Variants in MIS18A observed in about 807,000 individuals in gnomAD.
The protein encoded by MIS18A is protein Mis18-alpha.
A neutral mutation model predicts 25.0 loss-of-function variants in MIS18A; 14 were observed. The observed-to-expected ratio is 0.56, with a 90% CI of 0.37 to 0.88. The LOEUF is 0.88. Ranked by LOEUF, MIS18A falls within the 40% of genes least tolerant of loss-of-function variation. The pLI is 0.00. For missense variants in MIS18A, 292 were observed against 290.8 expected (o/e 1.00, Z -0.03); for synonymous variants, 134 against 118.6 (o/e 1.13, Z -0.84).
intron 2 of MIS18A, among the ~76,000 whole-genome samples, chr21:32,271,288 G>A (rs959189482): frequency 6.6e-6 from 1 of 152,146 alleles, no homozygotes; most frequent in Admixed American, 6.5e-5. Context: ...ATCTAGTAGT[G>A]ATCACAGTAG....
At chr21:32,242,600 G>A in the MIS18A span, among the ~76,000 whole-genome samples, 1 of 152,236 alleles carries the variant, frequency 6.6e-6, no homozygotes, top group East Asian at 1.9e-4. Flanking sequence ...CCTTCTAAAT[G>A]TGACTTCTTG....
At chr21:32,166,225 A>T in the MIS18A span, among the ~76,000 whole-genome samples, 4 of 152,236 alleles carry the variant, frequency 2.6e-5, no homozygotes, top group South Asian at 6.2e-4. Flanking sequence ...CTCACAAAGA[A>T]TGAAGTTCAA....
At chr21:32,180,462 C>CCT in the MIS18A span, among the ~76,000 whole-genome samples, 1 of 152,188 alleles carries the variant, frequency 6.6e-6, no homozygotes, top group East Asian at 1.9e-4. Flanking sequence ...CTCCACAGTC[C>CCT]CTCTCTCTCA....
chr21:32,273,505 A>G (rs2031752078), intron 2 of MIS18A, among the ~76,000 whole-genome samples: 1 of 152,146 alleles, frequency 6.6e-6, no homozygotes, highest in South Asian at 2.1e-4. Flanking sequence ...AGCATCTTAG[A>G]AGCTCTTCTG....
At chr21:32,184,746 C>T in the MIS18A span, among the ~76,000 whole-genome samples, 15 of 152,268 alleles carry the variant, frequency 9.9e-5, no homozygotes, top group African/African-American at 3.1e-4. Flanking sequence ...GGGCTCCCTC[C>T]GCTGACACCT....
At chr21:32,201,288 AC>A in the MIS18A span, among the ~76,000 whole-genome samples, 2 of 150,990 alleles carry the variant, frequency 1.3e-5, no homozygotes, top group Admixed American at 6.6e-5. Flanking sequence ...ATCGGAGCCG[AC>A]CCCGAGACAG....
At chr21:32,277,424 C>T (rs1407180902) in intron 1 of MIS18A, among the ~76,000 whole-genome samples, 1 of 152,134 alleles carries the variant, frequency 6.6e-6, no homozygotes, top group Non-Finnish European at 1.5e-5. Flanking sequence ...AAACAAAGAG[C>T]TTTTCCTACC....
chr21:32,170,669 T>A, the MIS18A span, among the ~76,000 whole-genome samples: 2 of 151,904 alleles, frequency 1.3e-5, no homozygotes, highest in Admixed American at 6.6e-5. Flanking sequence ...AACATACACA[T>A]AATGTGAGTC....
chr21:32,216,010 G>C, the MIS18A span, among the ~76,000 whole-genome samples: 1 of 152,154 alleles, frequency 6.6e-6, no homozygotes, highest in Non-Finnish European at 1.5e-5. Flanking sequence ...GGGGATGTTA[G>C]TGGATGTGGT....
At chr21:32,274,976 CT>C in intron 1 of MIS18A, 80 bp from the exon 2 acceptor site, 1 of 1,193,306 alleles carries the variant, frequency 8.4e-7, no homozygotes, top group Non-Finnish European at 1.2e-6. Context: ...TCTAATCCAA[CT>C]TTTTAGAACT....
chr21:32,246,021 G>A, the MIS18A span, among the ~76,000 whole-genome samples: 1 of 152,120 alleles, frequency 6.6e-6, no homozygotes, highest in South Asian at 2.1e-4. Context: ...GGGGAAGCAG[G>A]CACAGGCCCA....
the MIS18A span, among the ~76,000 whole-genome samples, chr21:32,205,079 T>A: frequency 6.9e-6 from 1 of 145,254 alleles, no homozygotes; most frequent in African/African-American, 2.5e-5. Flanking sequence ...ACTAATTACA[T>A]CCTTATAAGA....
the MIS18A span, among the ~76,000 whole-genome samples, chr21:32,155,713 T>C: frequency 6.6e-6 from 1 of 152,224 alleles, no homozygotes; most frequent in African/African-American, 2.4e-5. Flanking sequence ...TGTTACACTT[T>C]GCCCTTCAAA....
chr21:32,249,548 C>T, the MIS18A span, among the ~76,000 whole-genome samples: 8 of 152,178 alleles, frequency 5.3e-5, no homozygotes, highest in East Asian at 1.9e-4. Context: ...GAGCCACTGA[C>T]GTTTACGTGG....
chr21:32,269,579 A>T, intron 4 of MIS18A, 128 bp downstream of exon 4: 1 of 587,434 alleles, frequency 1.7e-6, no homozygotes, highest in Non-Finnish European at 3.0e-6. Context: ...CTAACAACTG[A>T]AATGAAATAA....
At chr21:32,278,424 A>G in intron 1 of MIS18A, 1 of 501,570 alleles carries the variant, frequency 2.0e-6, no homozygotes, top group Non-Finnish European at 3.5e-6. Flanking sequence ...GTTTCTGAGT[A>G]ATGCTCACGA....
intron 2 of MIS18A, 196 bp from the exon 3 acceptor site, chr21:32,270,725 G>A: frequency 2.1e-6 from 1 of 465,326 alleles, no homozygotes; most frequent in East Asian, 3.8e-5. Context: ...GATGCCTTAA[G>A]TATCAAATGA....
At chr21:32,219,881 C>G in the MIS18A span, among the ~76,000 whole-genome samples, 3 of 152,260 alleles carry the variant, frequency 2.0e-5, 1 homozygote, top group Non-Finnish European at 4.4e-5. Context: ...TGGGCAGAGC[C>G]CACCACAGCA....
At chr21:32,261,779 G>A in the MIS18A span, among the ~76,000 whole-genome samples, 3 of 152,226 alleles carry the variant, frequency 2.0e-5, no homozygotes, top group Non-Finnish European at 4.4e-5. Context: ...GAAGACACAC[G>A]GAGAGGTGAG....
Sources: allele counts gnomAD v4.1 joint callset (sites outside exome capture counted in the v4.1 genomes callset), GRCh38; gene constraint gnomAD v4.1.1; transcripts MANE v1.5; gene names NCBI Gene and HGNC (gene_info 2026-07-23, HGNC 2026-07-21).